Variants in PAK3 observed in about 807,000 individuals in gnomAD.
PAK3 encodes the protein p21 (RAC1) activated kinase 3, also known as serine/threonine-protein kinase PAK 3.
Under a neutral mutation model 41.0 loss-of-function variants are expected in PAK3, and 4 were observed. The ratio of observed to expected loss-of-function variants is 0.10; its 90% CI spans 0.05 to 0.22. PAK3 has a LOEUF of 0.22. Ranked by LOEUF, PAK3 falls within the 10% of genes least tolerant of loss-of-function variation. The probability of loss-of-function intolerance (pLI) is 1.00; values close to 1 mark genes in which losing one functional copy is unlikely to be tolerated. For synonymous variants in PAK3, 146 were observed against 139.6 expected (o/e 1.05, Z -0.32); for missense variants, 205 against 409.9 (o/e 0.50, Z 4.32).
At chrX:111,207,073 CGT>C (rs367846225) in intron 16 of PAK3, among the ~76,000 whole-genome samples, 3,931 of 97,159 alleles carry the variant, frequency 0.04, 69 homozygotes, top group Middle Eastern at 0.097. Context: ...TAGATATATA[CGT>C]GTGTGTGTGT....
chrX:111,006,855 T>TC (rs1569504974), intron 1 of PAK3, among the ~76,000 whole-genome samples: 7 of 99,033 alleles, frequency 7.1e-5, no homozygotes, highest in Non-Finnish European at 1.0e-4. Context: ...CTTTCTTTTT[T>TC]TTTTTTTTTG....
intron 4 of PAK3, among the ~76,000 whole-genome samples, chrX:111,105,606 C>T (rs1320565524): frequency 8.9e-6 from 1 of 111,851 alleles, no homozygotes; most frequent in Admixed American, 9.5e-5. Context: ...TGCACTTTTA[C>T]ACTTAGAATT....
intron 5 of PAK3, among the ~76,000 whole-genome samples, chrX:111,128,960 T>A (rs887512666): frequency 2.7e-5 from 3 of 111,597 alleles, no homozygotes; most frequent in Non-Finnish European, 5.7e-5. Context: ...AGAGTGTTCA[T>A]ATATGTGAAA....
chrX:111,022,462 CCAGA>C (rs2092200777), intron 1 of PAK3, among the ~76,000 whole-genome samples: 1 of 111,366 alleles, frequency 9.0e-6, no homozygotes, highest in East Asian at 2.8e-4. Flanking sequence ...ACAGTCTTTT[CCAGA>C]CAAACAAATG....
chrX:111,142,297 T>C, intron 6 of PAK3, 101 bp downstream of exon 6: 1 of 577,144 alleles, frequency 1.7e-6, no homozygotes, highest in Non-Finnish European at 3.1e-6. Context: ...TCAGACTTAA[T>C]ATTTTTGATG....
intron 1 of PAK3, among the ~76,000 whole-genome samples, chrX:111,027,144 T>A (rs1363010545): frequency 1.8e-5 from 2 of 111,165 alleles, no homozygotes; most frequent in Non-Finnish European, 3.8e-5. Context: ...ATCTCACGCC[T>A]TGTACAAAAA....
chrX:111,086,966 G>A (rs2092890206), intron 1 of PAK3, among the ~76,000 whole-genome samples: 2 of 111,274 alleles, frequency 1.8e-5, no homozygotes, highest in South Asian at 3.8e-4. Flanking sequence ...TTAGAGTGGC[G>A]CTTTAAAAAC....
In PAK3 at chrX:111,142,076, T is replaced by A. The variant is rs937023364; in HGVS notation, c.176-20T>A. ...CAAAACTATACCCCAAATAAATACATGTTAACATTTTGCCTTTAGCCAATA... is the reference window on the plus strand; with the variant it reads ...CAAAACTATACCCCAAATAAATACAAGTTAACATTTTGCCTTTAGCCAATA... On this transcript the variant is annotated intron_variant, in intron 5 of 17. Coordinates refer to ENST00000372007, the MANE Select transcript of PAK3 (RefSeq NM_002578.5). The A allele has an allele frequency of 3.1e-6, 3 of 953,215 alleles. No individual in the cohort carries two copies. The East Asian group carries it at 9.2e-5, about 29-fold the overall frequency. 78.6% of individuals were successfully genotyped at this position (953,215 alleles called of 1,213,427 possible). A position where few individuals can be genotyped will look rare whatever the true frequency, so the allele number is the denominator to read the frequency against.
intron 13 of PAK3, 101 bp downstream of exon 13, chrX:111,192,719 A>C: frequency 2.0e-6 from 1 of 511,930 alleles, no homozygotes. Context: ...CATTCTGCAA[A>C]TATTTCTCAA....
intron 1 of PAK3, among the ~76,000 whole-genome samples, chrX:111,018,394 G>T (rs952907916): frequency 1.3e-4 from 15 of 111,720 alleles, no homozygotes; most frequent in Non-Finnish European, 2.5e-4. Flanking sequence ...TTGGGAAATT[G>T]TCAGGCTGTA....
At chrX:111,025,642 G>A (rs915805406) in intron 1 of PAK3, among the ~76,000 whole-genome samples, 95 of 110,558 alleles carry the variant, frequency 8.6e-4, no homozygotes, top group African/African-American at 3.0e-3. Context: ...GATTCAAATG[G>A]TAATTTAAAA....
chrX:111,032,521 C>G (rs893969417), intron 1 of PAK3, among the ~76,000 whole-genome samples: 4 of 111,541 alleles, frequency 3.6e-5, no homozygotes, highest in Admixed American at 9.5e-5. Context: ...TGCATTTAAC[C>G]ATTCTTCTTC....
intron 16 of PAK3, among the ~76,000 whole-genome samples, chrX:111,214,728 G>A (rs1345274498): frequency 9.0e-6 from 1 of 110,856 alleles, no homozygotes. Flanking sequence ...TACATCTGTG[G>A]GAGTTGCTAA....
intron 16 of PAK3, among the ~76,000 whole-genome samples, chrX:111,205,473 A>G (rs1224229035): frequency 9.0e-6 from 1 of 110,893 alleles, no homozygotes; most frequent in African/African-American, 3.3e-5. Context: ...GAGGAGTGGT[A>G]TTCAGAAAGC....
At chrX:110,991,043 C>T (rs1192314182) in intron 1 of PAK3, among the ~76,000 whole-genome samples, 1 of 109,360 alleles carries the variant, frequency 9.1e-6, no homozygotes, top group Non-Finnish European at 1.9e-5. Context: ...CTGGGAGGAT[C>T]GCTTGAACCC....
chrX:111,202,363 A>G (rs778913865), intron 16 of PAK3, among the ~76,000 whole-genome samples: 1 of 111,255 alleles, frequency 9.0e-6, no homozygotes, highest in East Asian at 2.9e-4. Context: ...CCAGAGAGAG[A>G]GGACACAAGC....
At chrX:111,086,913 A>G (rs1214852008) in intron 1 of PAK3, among the ~76,000 whole-genome samples, 1 of 112,123 alleles carries the variant, frequency 8.9e-6, no homozygotes, top group East Asian at 2.8e-4. Flanking sequence ...CAAACAGATA[A>G]GGACTATAAT....
chrX:111,193,750 A>C (rs894826126), intron 13 of PAK3, among the ~76,000 whole-genome samples: 2 of 103,331 alleles, frequency 1.9e-5, no homozygotes, highest in African/African-American at 7.7e-5. Context: ...TTTTGCAAAA[A>C]CAAAAAACAA....
intron 1 of PAK3, among the ~76,000 whole-genome samples, chrX:110,969,094 A>ATTTTTTTTTTTTTTATTTTTT: frequency 2.5e-5 from 1 of 40,620 alleles, no homozygotes; most frequent in Non-Finnish European, 4.0e-5. Context: ...GACCTGCCTA[A>ATTTTTTTTTTTTTTATTTTTT]TTTTTTTTTT....
Sources: allele counts gnomAD v4.1 joint callset (sites outside exome capture counted in the v4.1 genomes callset), GRCh38; gene constraint gnomAD v4.1.1; transcripts MANE v1.5; gene names NCBI Gene and HGNC (gene_info 2026-07-23, HGNC 2026-07-21).